The following CAST variants were observed in gnomAD, a reference collection of about 807,000 sequenced individuals.
The protein encoded by CAST is calpastatin, also known as MIR583 host.
In CAST, 76 loss-of-function variants were observed where a neutral mutation model predicts 119.6. The observed-to-expected ratio is 0.64, with a 90% confidence interval of 0.53 to 0.77. CAST has a LOEUF of 0.77. Ranked by LOEUF, CAST falls within the 30% of genes least tolerant of loss-of-function variation. The pLI, the probability that CAST is intolerant of heterozygous loss-of-function variation, is 0.00. For missense variants in CAST, 953 were observed against 946.5 expected (o/e 1.01, Z -0.09); for synonymous variants, 319 against 331.6 (o/e 0.96, Z 0.41).
the CAST span, among the ~76,000 whole-genome samples, chr5:96,497,869 G>C: frequency 3.3e-5 from 5 of 152,138 alleles, no homozygotes; most frequent in African/African-American, 1.2e-4. Context: ...AGTTTAATTA[G>C]ATCCCATTTG....
At chr5:96,530,783 A>T (rs1745675555) in intron 1 of CAST, among the ~76,000 whole-genome samples, 1 of 152,114 alleles carries the variant, frequency 6.6e-6, no homozygotes, top group African/African-American at 2.4e-5. Context: ...AGCAAAAAAT[A>T]GCAACTTTTT....
chr5:96,655,807 C>T (rs1561440296), intron 1 of CAST, among the ~76,000 whole-genome samples: 2 of 152,182 alleles, frequency 1.3e-5, no homozygotes. Flanking sequence ...TATGCTGCCA[C>T]TGTTAACATT....
At chr5:96,365,364 A>G in the CAST span, among the ~76,000 whole-genome samples, 1 of 152,208 alleles carries the variant, frequency 6.6e-6, no homozygotes, top group Non-Finnish European at 1.5e-5. Context: ...GCTGAGTTCA[A>G]TTCCCAGATA....
chr5:96,412,095 C>G, the CAST span, among the ~76,000 whole-genome samples: 1 of 152,182 alleles, frequency 6.6e-6, no homozygotes, highest in Non-Finnish European at 1.5e-5. Flanking sequence ...TGATCTGCCT[C>G]CCTTGGCCAT....
chr5:96,525,717 G>T (rs956649625), upstream of CAST, among the ~76,000 whole-genome samples: 1 of 152,092 alleles, frequency 6.6e-6, no homozygotes, highest in Non-Finnish European at 1.5e-5. Flanking sequence ...TTAAGTTAAA[G>T]AAAAATATAA....
the CAST span, among the ~76,000 whole-genome samples, chr5:96,042,746 G>T: frequency 9.8e-3 from 1,492 of 152,168 alleles, 28 homozygotes; most frequent in African/African-American, 0.033. Flanking sequence ...CTTCTCACTT[G>T]CGAATCCTAG....
chr5:96,455,352 T>C, the CAST span, among the ~76,000 whole-genome samples: 6 of 152,248 alleles, frequency 3.9e-5, no homozygotes, highest in African/African-American at 1.4e-4. Flanking sequence ...AATTAGATGC[T>C]ATCATAAATA....
intron 26 of CAST, 69 bp from the exon 27 acceptor site, chr5:96,765,984 A>G (rs1291599077): frequency 1.1e-6 from 1 of 896,472 alleles, no homozygotes; most frequent in Admixed American, 1.9e-5. Context: ...TGAATGCTGC[A>G]TTTGACAATG....
At chr5:96,490,492 G>A in the CAST span, among the ~76,000 whole-genome samples, 1 of 152,102 alleles carries the variant, frequency 6.6e-6, no homozygotes, top group Non-Finnish European at 1.5e-5. Flanking sequence ...TGGAAGAGGA[G>A]TTCTATCCAC....
intron 1 of CAST, among the ~76,000 whole-genome samples, chr5:96,673,636 G>C (rs573363984): frequency 6.6e-6 from 1 of 152,304 alleles, no homozygotes; most frequent in Non-Finnish European, 1.5e-5. Context: ...TCCGAGGACA[G>C]AGACCACCTC....
intron 1 of CAST, among the ~76,000 whole-genome samples, chr5:96,610,321 G>A (rs1012992460): frequency 5.9e-5 from 9 of 152,102 alleles, no homozygotes; most frequent in Admixed American, 1.3e-4. Flanking sequence ...AAAGTACCCC[G>A]TCTCAGGTAT....
At chr5:96,140,455 T>G in the CAST span, among the ~76,000 whole-genome samples, 1 of 152,228 alleles carries the variant, frequency 6.6e-6, no homozygotes, top group Non-Finnish European at 1.5e-5. Context: ...AGGTCTAAGA[T>G]TCTTCATTTG....
At chr5:96,687,686 A>G (rs1271095707) in intron 2 of CAST, among the ~76,000 whole-genome samples, 1 of 152,252 alleles carries the variant, frequency 6.6e-6, no homozygotes, top group South Asian at 2.1e-4. Context: ...GTACCATTCT[A>G]GAAATATATC....
intron 1 of CAST, among the ~76,000 whole-genome samples, chr5:96,621,969 CTTTTT>C (rs35728460): frequency 8.8e-6 from 1 of 113,702 alleles, no homozygotes; most frequent in Admixed American, 1.0e-4. Context: ...CTTTTTTTCT[CTTTTT>C]TTTTTTTTTT....
intron 2 of CAST, among the ~76,000 whole-genome samples, chr5:96,687,774 A>G (rs987219156): frequency 6.6e-6 from 1 of 152,234 alleles, no homozygotes; most frequent in Non-Finnish European, 1.5e-5. Context: ...TTATAATAAC[A>G]TCCCATTTTT....
At chr5:96,109,757 G>T in the CAST span, among the ~76,000 whole-genome samples, 1 of 152,242 alleles carries the variant, frequency 6.6e-6, no homozygotes, top group Non-Finnish European at 1.5e-5. Flanking sequence ...ATTGAAAGAG[G>T]ATGCAGAAGC....
the CAST span, chr5:96,412,336 A>C: frequency 6.2e-7 from 1 of 1,614,162 alleles, no homozygotes. Context: ...CACCATATTC[A>C]AAAGCCTTCT....
At chr5:96,207,268 C>G in the CAST span, among the ~76,000 whole-genome samples, 1 of 152,100 alleles carries the variant, frequency 6.6e-6, no homozygotes, top group East Asian at 1.9e-4. Flanking sequence ...TTGACTTCCT[C>G]TCTTCCTATT....
chr5:96,493,570 T>C, the CAST span, among the ~76,000 whole-genome samples: 14 of 152,194 alleles, frequency 9.2e-5, no homozygotes, highest in Non-Finnish European at 1.6e-4. Context: ...CCAAGCATCA[T>C]GCTGGGTGTA....
Sources: gnomAD v4.1 joint callset for allele counts (sites outside exome capture counted in the v4.1 genomes callset) on GRCh38, gnomAD v4.1.1 for gene constraint, MANE v1.5 for transcripts, NCBI Gene and HGNC (gene_info 2026-07-23, HGNC 2026-07-21) for gene names.